Variants in IFNAR2 observed in about 807,000 individuals in gnomAD.
IFNAR2 encodes the protein interferon alpha/beta receptor 2.
A neutral mutation model predicts 49.4 loss-of-function variants in IFNAR2; 30 were observed. The ratio of observed to expected loss-of-function variants is 0.61; its 90% CI spans 0.45 to 0.82. IFNAR2 has a LOEUF of 0.82. Ranked by LOEUF, IFNAR2 falls within the 40% of genes least tolerant of loss-of-function variation. IFNAR2 has a pLI of 0.00. For missense variants in IFNAR2, 600 were observed against 622.7 expected (o/e 0.96, Z 0.39); for synonymous variants, 224 against 234.5 (o/e 0.96, Z 0.41).
Position 33,265,110 on chromosome 21 carries a change from C to G in IFNAR2, c.*1610C>G, listed in dbSNP as rs990722584. ...TGTGACCCTAGGCATTTGACTTAGC[C>G]TTTCTGAGCCTCAGGTTTTTTGTTT... On this transcript the variant is annotated 3_prime_UTR_variant, in exon 9 of 9. Transcript: ENST00000342136. 1 of 152,194 alleles carries G rather than the reference C, an allele frequency of 6.6e-6. No homozygotes were observed. Among genetic ancestry groups the G allele is most frequent in the Admixed American group, 6.5e-5 (1 of 15,286 alleles). The allele number at this position is 152,194 out of a possible 1,614,324, so 9.4% of individuals were successfully genotyped here.
chr21:33,261,337 A>ATGTTTTGTTT (rs916606838), intron 8 of IFNAR2, among the ~76,000 whole-genome samples: 1 of 151,896 alleles, frequency 6.6e-6, no homozygotes. Context: ...GCACTCAGCA[A>ATGTTTTGTTT]TGTTTTGTTT....
intron 1 of IFNAR2, among the ~76,000 whole-genome samples, chr21:33,238,077 A>G (rs149490367): frequency 9.5e-4 from 145 of 152,308 alleles, no homozygotes; most frequent in Non-Finnish European, 1.7e-3. Flanking sequence ...CCTGCGTATC[A>G]TCAAATGCTT....
At chr21:33,246,951 T>G in intron 5 of IFNAR2, 61 bp downstream of exon 5, 2 of 1,420,028 alleles carry the variant, frequency 1.4e-6, no homozygotes, top group Non-Finnish European at 2.0e-6. Flanking sequence ...TTATTTGCTA[T>G]TCCATGAAAT....
At position 33,242,758 on chromosome 21, in the gene IFNAR2, C is replaced by CGT. The variant is rs375640331; in HGVS notation, c.55+826_55+827dup. 2.0e-3 allele frequency among the ~76,000 whole-genome samples: 151 copies of CGT among 76,548 alleles called. 14 individuals carry two copies. In the South Asian group the frequency reaches 0.031, roughly 16 times the overall value. 50.2% of individuals were successfully genotyped at this position (76,548 alleles called of 152,430 possible). On this transcript the variant is annotated intron_variant, in intron 2 of 8. Transcript: ENST00000342136. ...AAAAAAAAAAAAAAAATCTCGTGTG[C>CGT]GTGTGTGTGTGTGTGTGTGTGTGTG...
intron 7 of IFNAR2, among the ~76,000 whole-genome samples, chr21:33,253,525 G>A (rs1988006357): frequency 6.6e-6 from 1 of 152,182 alleles, no homozygotes; most frequent in South Asian, 2.1e-4. Flanking sequence ...CGCAGTGTTA[G>A]GGGAAAGAGG....
At chr21:33,245,307 A>G (rs909550205) in intron 4 of IFNAR2, among the ~76,000 whole-genome samples, 1 of 152,266 alleles carries the variant, frequency 6.6e-6, no homozygotes, top group African/African-American at 2.4e-5. Flanking sequence ...CAAAGCTTGT[A>G]TGTGTCATCA....
chr21:33,251,401 T>G (rs528533629), intron 6 of IFNAR2: 1 of 199,442 alleles, frequency 5.0e-6, no homozygotes, highest in African/African-American at 2.4e-5. Flanking sequence ...TTTAATAGAG[T>G]TAGGGGCAAA....
Position 33,261,218 on chromosome 21 carries a change from G to C in IFNAR2, c.840+491G>C, listed in dbSNP as rs1352363048. 2.0e-5 allele frequency among the ~76,000 whole-genome samples: 3 copies of C among 151,632 alleles called. No individual in the cohort carries two copies. In the East Asian group the frequency reaches 5.8e-4, roughly 29 times the overall value. On this transcript the variant is annotated intron_variant, in intron 8 of 8. Transcript: ENST00000342136. ...CACCTGGCTAATTTTTGCATTTTTA[G>C]TAGAGATGGGGTTTTGCTATGTTGG...
intron 8 of IFNAR2, among the ~76,000 whole-genome samples, chr21:33,261,237 A>G (rs1019183676): frequency 1.3e-5 from 2 of 151,926 alleles, no homozygotes; most frequent in East Asian, 1.9e-4. Flanking sequence ...GGGTTTTGCT[A>G]TGTTGGCCAG....
chr21:33,259,200 C>T (rs979829082), intron 7 of IFNAR2, among the ~76,000 whole-genome samples: 1 of 152,036 alleles, frequency 6.6e-6, no homozygotes, highest in South Asian at 2.1e-4. Context: ...TTTTAAGACA[C>T]GACCTGGTCT....
At chr21:33,244,451 C>T (rs1398975255) in intron 3 of IFNAR2, among the ~76,000 whole-genome samples, 1 of 152,146 alleles carries the variant, frequency 6.6e-6, no homozygotes, top group Non-Finnish European at 1.5e-5. Flanking sequence ...TGTTATACTC[C>T]CCTGCTCTCT....
At position 33,260,720 on chromosome 21, in the gene IFNAR2, A is replaced by G; in HGVS notation, c.833A>G (p.Lys278Arg). Residue 278 changes from lysine (K) to arginine (R), a missense_variant, in exon 8 of 9, where the codon AAA becomes AGA. Coordinates refer to ENST00000342136, the MANE Select transcript of IFNAR2 (RefSeq NM_001289125.3). Reference protein sequence around the residue: ...GYICLRNSLPKVLNFHNFLAW... With the variant: ...GYICLRNSLPRVLNFHNFLAW... ...ATATGCTTAAGAAATAGCCTCCCCAAAGTCTTGGTAGGTAGTTTTTTTGTT... is the reference window on the plus strand; with the variant it reads ...ATATGCTTAAGAAATAGCCTCCCCAGAGTCTTGGTAGGTAGTTTTTTTGTT... 2.7e-6 allele frequency: 4 copies of G among 1,502,166 alleles called. No homozygotes were observed. Among genetic ancestry groups the G allele is most frequent in the African/African-American group, 1.4e-5 (1 of 69,844 alleles). 93.1% of individuals were successfully genotyped at this position (1,502,166 alleles called of 1,614,324 possible).
rs1308703058 is a variant in IFNAR2 at position 33,263,420 on chromosome 21, T to C, written c.1468T>C (p.Trp490Arg). ...TCCCAGCCCCTCTTCAGAGGGCCTG[T>C]GGTCCGAAGATGCTCCATCTGATCA... The part of the protein sequence containing the change: ...TFPSPSSEGL[W>R]SEDAPSDQSD... The change falls in exon 9 of 9, where the codon TGG (tryptophan) becomes CGG (arginine). Residue 490 changes from tryptophan to arginine, a missense_variant. Trp to Arg is a moderately radical substitution (Grantham distance 101). Transcript: ENST00000342136. 2.5e-6 allele frequency: 4 copies of C among 1,613,920 alleles called. No individual in the cohort carries two copies. The Admixed American group carries it at 5.0e-5, about 20-fold the overall frequency.
intron 1 of IFNAR2, among the ~76,000 whole-genome samples, chr21:33,240,235 ATTTCTACTGTACCT>A (rs1333394833): frequency 6.6e-6 from 1 of 152,330 alleles, no homozygotes; most frequent in African/African-American, 2.4e-5. Flanking sequence ...ATTATACCAT[ATTTCTACTGTACCT>A]TTTCTGTGTC....
rs953190337 is a variant in IFNAR2, at chr21:33,254,394, C to T, written c.709+1564C>T. 1.3e-5 allele frequency among the ~76,000 whole-genome samples: 2 copies of T among 152,148 alleles called. 1 individual carries two copies. Among genetic ancestry groups the T allele is most frequent in the Non-Finnish European group, 2.9e-5 (2 of 68,030 alleles). On this transcript the variant is annotated intron_variant, in intron 7 of 8. Coordinates refer to ENST00000342136, the MANE Select transcript of IFNAR2 (RefSeq NM_001289125.3). ...CCCTAAAAGAAACCAAAGTGTTTTACCCCAAAATACATTTCTTTGACATAT... is the reference window on the plus strand; with the variant it reads ...CCCTAAAAGAAACCAAAGTGTTTTATCCCAAAATACATTTCTTTGACATAT...
chr21:33,239,594 A>G (rs943190807), intron 1 of IFNAR2, among the ~76,000 whole-genome samples: 8 of 146,472 alleles, frequency 5.5e-5, no homozygotes, highest in Admixed American at 2.0e-4. Context: ...TACAGGTTCT[A>G]TACTCTCCTT....
chr21:33,259,209 C>T (rs932721964), intron 7 of IFNAR2, among the ~76,000 whole-genome samples: 3 of 152,026 alleles, frequency 2.0e-5, no homozygotes, highest in Non-Finnish European at 4.4e-5. Context: ...ACGACCTGGT[C>T]TCTCCTTCCC....
rs1267701711 is a variant in IFNAR2, at chr21:33,265,470, AAG to A, written c.*1973_*1974del. 1 of 154,698 alleles carries A rather than the reference AAG, an allele frequency of 6.5e-6. No homozygotes were observed. The highest frequency in any genetic ancestry group is 1.4e-5 in the Non-Finnish European group (1 of 69,188). The allele number at this position is 154,698 out of a possible 1,614,324, so 9.6% of individuals were successfully genotyped here. ...TTTAATCTAATGAAATTCCATAGGAAAGAGGCCTTTTGTATATTGAATCAATT... is the reference window on the plus strand; with the variant it reads ...TTTAATCTAATGAAATTCCATAGGAAAGGCCTTTTGTATATTGAATCAATT... On this transcript the variant is annotated 3_prime_UTR_variant, in exon 9 of 9. Coordinates refer to ENST00000342136, the MANE Select transcript of IFNAR2 (RefSeq NM_001289125.3).
intron 7 of IFNAR2, among the ~76,000 whole-genome samples, chr21:33,256,818 T>C (rs1266970978): frequency 6.6e-6 from 1 of 152,052 alleles, no homozygotes; most frequent in Non-Finnish European, 1.5e-5. Context: ...GGAGACAGAA[T>C]AACAAGATCA....
Sources: allele counts gnomAD v4.1 joint callset (sites outside exome capture counted in the v4.1 genomes callset), GRCh38; gene constraint gnomAD v4.1.1; transcripts MANE v1.5; gene names NCBI Gene and HGNC (gene_info 2026-07-23, HGNC 2026-07-21).